Variants in CCSER1 observed in about 807,000 individuals in gnomAD.
CCSER1 encodes serine-rich coiled-coil domain-containing protein 1.
A neutral mutation model predicts 82.0 loss-of-function variants in CCSER1; 41 were observed. The observed-to-expected ratio is 0.50, with a 90% CI of 0.39 to 0.65. The LOEUF (loss-of-function observed/expected upper bound fraction) is 0.65, where lower values mean the gene tolerates loss of function less well. Among genes scored for constraint, CCSER1 ranks in the 30% least tolerant of loss-of-function variants. CCSER1 has a pLI of 0.00. For synonymous variants in CCSER1, 414 were observed against 383.9 expected (o/e 1.08, Z -0.92); for missense variants, 1,119 against 1,064.2 (o/e 1.05, Z -0.72).
chr4:91,334,565 C>G (rs753779893), intron 10 of CCSER1, among the ~76,000 whole-genome samples: 5 of 152,004 alleles, frequency 3.3e-5, no homozygotes, highest in Middle Eastern at 3.2e-3. Flanking sequence ...CTCACACACA[C>G]AGACACACCC....
At chr4:90,607,849 C>T (rs1018422532) in intron 5 of CCSER1, among the ~76,000 whole-genome samples, 1 of 152,102 alleles carries the variant, frequency 6.6e-6, no homozygotes, top group Non-Finnish European at 1.5e-5. Context: ...CTTGCCTTTT[C>T]CCTTCCTCTC....
In CCSER1 at chr4:90,197,740, A is replaced by G. The variant is rs529593313; in HGVS notation, c.-42+69909A>G. On this transcript the variant is annotated intron_variant, in intron 1 of 10. Transcript: ENST00000509176. ...GGGAACTAAAAATCAAAACAATTGA[A>G]TACAGGGAGATAGAGAGTAGAAGGA... 2.6e-5 allele frequency among the ~76,000 whole-genome samples: 4 copies of G among 152,166 alleles called. No homozygotes were observed. In the South Asian group the frequency reaches 8.3e-4, roughly 32 times the overall value.
chr4:90,673,697 G>C (rs1733243314), intron 6 of CCSER1, among the ~76,000 whole-genome samples: 1 of 151,924 alleles, frequency 6.6e-6, no homozygotes, highest in Non-Finnish European at 1.5e-5. Context: ...AGTTAAACCA[G>C]AATGTGGTGA....
At chr4:90,273,387 A>T (rs908076829) in intron 1 of CCSER1, among the ~76,000 whole-genome samples, 2 of 152,148 alleles carry the variant, frequency 1.3e-5, no homozygotes, top group African/African-American at 4.8e-5. Context: ...AACACAAAGG[A>T]TCAGGGCTTG....
At chr4:91,029,612 A>G (rs997614295) in intron 9 of CCSER1, among the ~76,000 whole-genome samples, 3 of 152,084 alleles carry the variant, frequency 2.0e-5, no homozygotes, top group Non-Finnish European at 4.4e-5. Flanking sequence ...TTTCAAAGTC[A>G]TAGAAGAACT....
chr4:91,382,284 G>C (rs549775745), intron 10 of CCSER1, among the ~76,000 whole-genome samples: 1 of 152,124 alleles, frequency 6.6e-6, no homozygotes, highest in Non-Finnish European at 1.5e-5. Context: ...CCTTTTGTTC[G>C]GCTATGGCCT....
intron 9 of CCSER1, among the ~76,000 whole-genome samples, chr4:91,067,080 C>T (rs919481819): frequency 6.6e-6 from 1 of 151,982 alleles, no homozygotes; most frequent in Admixed American, 6.5e-5. Flanking sequence ...CAGGAAATGG[C>T]GTGAACCCGG....
intron 10 of CCSER1, among the ~76,000 whole-genome samples, chr4:91,293,501 A>G (rs1743913174): frequency 1.3e-5 from 2 of 152,010 alleles, no homozygotes; most frequent in African/African-American, 4.8e-5. Context: ...TTATTTGTTT[A>G]CCACTGCTTT....
intron 7 of CCSER1, chr4:90,781,248 TAGAA>T: frequency 1.0e-6 from 1 of 984,260 alleles, no homozygotes; most frequent in African/African-American, 1.7e-5. Context: ...GAATCTGGAA[TAGAA>T]AGAGTATGCA....
intron 3 of CCSER1, among the ~76,000 whole-genome samples, chr4:90,362,550 T>G (rs1315815915): frequency 2.0e-5 from 3 of 152,192 alleles, no homozygotes; most frequent in African/African-American, 7.2e-5. Context: ...TTATTCAAAA[T>G]CTCATTTCTT....
At chr4:91,444,458 C>CAT (rs1553938264) in intron 10 of CCSER1, among the ~76,000 whole-genome samples, 3 of 149,942 alleles carry the variant, frequency 2.0e-5, no homozygotes, top group Non-Finnish European at 4.4e-5. Context: ...AATTCTTTTG[C>CAT]TTTTTTTTTG....
intron 3 of CCSER1, among the ~76,000 whole-genome samples, chr4:90,375,524 T>C (rs1384793394): frequency 2.0e-5 from 3 of 152,116 alleles, no homozygotes; most frequent in African/African-American, 7.2e-5. Context: ...CACTCCTAGA[T>C]CCTTCCTCGT....
intron 10 of CCSER1, among the ~76,000 whole-genome samples, chr4:91,140,813 T>G (rs1476679662): frequency 6.6e-6 from 1 of 152,142 alleles, no homozygotes; most frequent in Non-Finnish European, 1.5e-5. Flanking sequence ...CTTTTTAAAT[T>G]TCAACTTTAT....
chr4:90,954,888 T>G (rs1419211004), intron 9 of CCSER1, among the ~76,000 whole-genome samples: 2 of 152,154 alleles, frequency 1.3e-5, no homozygotes, highest in African/African-American at 2.4e-5. Context: ...ATTGCCACAC[T>G]AGCTTTGATT....
At chr4:90,789,306 T>C (rs1754926362) in intron 7 of CCSER1, among the ~76,000 whole-genome samples, 1 of 152,190 alleles carries the variant, frequency 6.6e-6, no homozygotes, top group African/African-American at 2.4e-5. Context: ...CTTAAATTTG[T>C]TTGCTCCCAA....
rs1304590368 is a variant in CCSER1 at position 90,933,021 on chromosome 4, AAAGAAAG to A, written c.2172+9577_2172+9583del. Among the ~76,000 whole-genome samples, 761 of 96,086 alleles carry A rather than the reference AAAGAAAG, an allele frequency of 7.9e-3. 177 individuals carry two copies. The highest frequency in any genetic ancestry group is 0.014 in the Admixed American group (128 of 9,302). The allele number at this position is 96,086 out of a possible 152,430, so 63.0% of individuals were successfully genotyped here. A position where few individuals can be genotyped will look rare whatever the true frequency, so the allele number is the denominator to read the frequency against. On this transcript the variant is annotated intron_variant, in intron 9 of 10. Coordinates refer to ENST00000509176, the MANE Select transcript of CCSER1 (RefSeq NM_001145065.2). Reference sequence around the variant, plus strand: ...GAAAGAAAGAAAGAAAGAAAGAAAGAAAGAAAGAAAGAAAGAAAGAAAGAGAAGGAAG... The same window carrying A: ...GAAAGAAAGAAAGAAAGAAAGAAAGAAAAGAAAGAAAGAAAGAGAAGGAAG...
intron 9 of CCSER1, among the ~76,000 whole-genome samples, chr4:90,950,568 G>C (rs1732795449): frequency 6.6e-6 from 1 of 152,010 alleles, no homozygotes; most frequent in South Asian, 2.1e-4. Context: ...CACAGCTCTA[G>C]CTGTCTGATT....
At chr4:90,776,834 G>C (rs995762911) in intron 7 of CCSER1, among the ~76,000 whole-genome samples, 1 of 152,096 alleles carries the variant, frequency 6.6e-6, no homozygotes, top group Non-Finnish European at 1.5e-5. Context: ...TAAAAATTCT[G>C]TAAGTACCCA....
At chr4:90,424,204 A>G (rs1282725820) in intron 4 of CCSER1, among the ~76,000 whole-genome samples, 4 of 152,120 alleles carry the variant, frequency 2.6e-5, no homozygotes, top group Non-Finnish European at 5.9e-5. Flanking sequence ...AAAGAGGTAC[A>G]TAAAATGTGC....
Sources: allele counts gnomAD v4.1 joint callset (sites outside exome capture counted in the v4.1 genomes callset), GRCh38; gene constraint gnomAD v4.1.1; transcripts MANE v1.5; gene names NCBI Gene and HGNC (gene_info 2026-07-23, HGNC 2026-07-21).